Variants in UBA2 observed in about 807,000 individuals in gnomAD.
The protein encoded by UBA2 is ubiquitin like modifier activating enzyme 2.
Under a neutral mutation model 77.2 loss-of-function variants are expected in UBA2, and 11 were observed. That is an observed-to-expected ratio of 0.14 (90% confidence interval 0.09 to 0.24). UBA2 has a LOEUF of 0.24. Among genes scored for constraint, UBA2 ranks in the 10% least tolerant of loss-of-function variants. The pLI is 1.00. For missense variants in UBA2, 487 were observed against 781.7 expected (o/e 0.62, Z 4.50); for synonymous variants, 278 against 276.7 (o/e 1.00, Z -0.05).
At chr19:34,438,220 CAAAAA>C (rs35061343) in intron 5 of UBA2, among the ~76,000 whole-genome samples, 34 of 133,988 alleles carry the variant, frequency 2.5e-4, no homozygotes, top group Admixed American at 8.9e-4. Flanking sequence ...TAGTTTTGCT[CAAAAA>C]AAAAAAAAAA....
chr19:34,445,781 TTGAC>T (rs1478882920), intron 8 of UBA2, among the ~76,000 whole-genome samples: 1 of 152,168 alleles, frequency 6.6e-6, no homozygotes, highest in Non-Finnish European at 1.5e-5. Flanking sequence ...TATTAGCAGT[TTGAC>T]TGACATGTGT....
intron 10 of UBA2, among the ~76,000 whole-genome samples, chr19:34,452,617 A>G (rs2075513774): frequency 6.6e-6 from 1 of 152,240 alleles, no homozygotes; most frequent in Admixed American, 6.5e-5. Flanking sequence ...AGTTAAAATC[A>G]TATTTAATAG....
Position 34,470,490 on chromosome 19 carries a change from T to C in UBA2, c.*1269T>C, listed in dbSNP as rs989693203. Reference sequence around the variant, plus strand: ...ATAGCAAGACCCTGTCTCTAAAAAATAAGTAAATAAAATAAAGCTTTTAAT... The same window carrying C: ...ATAGCAAGACCCTGTCTCTAAAAAACAAGTAAATAAAATAAAGCTTTTAAT... On this transcript the variant is annotated 3_prime_UTR_variant, in exon 17 of 17. Transcript: ENST00000246548. 2.0e-5 allele frequency: 3 copies of C among 152,070 alleles called. No individual in the cohort carries two copies. The highest frequency in any genetic ancestry group is 6.6e-5 in the Admixed American group (1 of 15,258). The allele number at this position is 152,070 out of a possible 1,614,324, so 9.4% of individuals were successfully genotyped here.
chr19:34,428,446 G>A lies in UBA2; in HGVS notation c.14G>A (p.Arg5Gln). 2.4e-6 allele frequency: 3 copies of A among 1,276,020 alleles called. No individual in the cohort carries two copies. The highest frequency in any genetic ancestry group is 3.0e-6 in the Non-Finnish European group (3 of 1,007,968). The allele number at this position is 1,276,020 out of a possible 1,614,324, so 79.0% of individuals were successfully genotyped here. The change falls in exon 1 of 17, where the codon CGG becomes CAG. Residue 5 changes from arginine to glutamine, a missense_variant. Arg to Gln is a conservative substitution (Grantham distance 43). Coordinates refer to ENST00000246548, the MANE Select transcript of UBA2 (RefSeq NM_005499.3). MALSRGLPRELAEAV... is the reference protein window; with the variant it reads MALSQGLPRELAEAV... ...GGTTGTCCCGCCATGGCACTGTCGC[G>A]GGGGCTGCCCCGGGAGCTGGCTGAG...
chr19:34,432,069 G>T, intron 3 of UBA2, 138 bp downstream of exon 3: 1 of 584,870 alleles, frequency 1.7e-6, no homozygotes, highest in Non-Finnish European at 2.9e-6. Context: ...CTTACAGAGT[G>T]GCATTCTTTT....
intron 10 of UBA2, among the ~76,000 whole-genome samples, 169 bp from the exon 11 acceptor site, chr19:34,454,091 A>G (rs895678282): frequency 6.6e-6 from 1 of 151,452 alleles, no homozygotes; most frequent in Non-Finnish European, 1.5e-5. Flanking sequence ...TACTTAACCC[A>G]CCTCCATGCT....
chr19:34,428,465 G>A lies in UBA2; in HGVS notation c.33G>A (p.Leu11=), dbSNP rs1232218372. 7.8e-7 allele frequency: 1 copy of A among 1,288,306 alleles called. No homozygotes were observed. Among genetic ancestry groups the A allele is most frequent in the Non-Finnish European group, 9.9e-7 (1 of 1,013,028 alleles). 79.8% of individuals were successfully genotyped at this position (1,288,306 alleles called of 1,614,324 possible). A position where few individuals can be genotyped will look rare whatever the true frequency, so the allele number is the denominator to read the frequency against. The stretch of plus-strand genomic sequence containing the variant: ...TGTCGCGGGGGCTGCCCCGGGAGCT[G>A]GCTGAGGCGGTGGCCGGGGGCCGGG... MALSRGLPRE[L]AEAVAGGRVL... Residue 11 remains leucine, a synonymous_variant, in exon 1 of 17, where the codon CTG becomes CTA. Transcript: ENST00000246548.
intron 8 of UBA2, 53 bp downstream of exon 8, chr19:34,445,174 G>T: frequency 6.5e-7 from 1 of 1,546,686 alleles, no homozygotes. Flanking sequence ...GTGCATAGAT[G>T]TATTGTTCTA....
chr19:34,444,770 G>A (rs1365146611), intron 7 of UBA2, among the ~76,000 whole-genome samples: 1 of 152,214 alleles, frequency 6.6e-6, no homozygotes, highest in African/African-American at 2.4e-5. Flanking sequence ...TCTTAACACT[G>A]CACTCCAGCC....
chr19:34,455,982 GTCCGGGT>G (rs2075554523), intron 12 of UBA2, among the ~76,000 whole-genome samples: 1 of 150,522 alleles, frequency 6.6e-6, no homozygotes, highest in African/African-American at 2.4e-5. Context: ...TTGCTATGTT[GTCCGGGT>G]TGGTCCTGAA....
rs768818315 is a variant in UBA2, at chr19:34,466,861, G to A, written c.1605-17G>A. ...TTCTAAATAGTCATAGCAGTGACCT[G>A]TGTGATTCTCCTACAGTGAAGACCT... On this transcript the variant is annotated splice_polypyrimidine_tract_variant and intron_variant, in intron 15 of 16. Transcript: ENST00000246548. 6.8e-6 allele frequency: 11 copies of A among 1,611,734 alleles called. No homozygotes were observed. The highest frequency in any genetic ancestry group is 2.2e-5 in the South Asian group (2 of 90,966).
intron 6 of UBA2, among the ~76,000 whole-genome samples, chr19:34,441,514 T>C (rs2075369300): frequency 6.6e-6 from 1 of 152,110 alleles, no homozygotes; most frequent in Admixed American, 6.6e-5. Flanking sequence ...CTTACTAAAA[T>C]GAGAATGTTC....
At chr19:34,450,742 CTTTTTTTTTTTTT>C (rs59580124) in intron 9 of UBA2, among the ~76,000 whole-genome samples, 2 of 83,402 alleles carry the variant, frequency 2.4e-5, no homozygotes, top group Admixed American at 1.6e-4. Context: ...TTATGTATAT[CTTTTTTTTTTTTT>C]TTTTTTTTTT....
intron 12 of UBA2, among the ~76,000 whole-genome samples, chr19:34,455,363 A>C (rs574178136): frequency 4.1e-4 from 63 of 152,208 alleles, no homozygotes; most frequent in African/African-American, 1.5e-3. Context: ...CTCCTGTTTT[A>C]AGAGTTCCTA....
chr19:34,440,435 A>G (rs1392276630), intron 6 of UBA2, among the ~76,000 whole-genome samples: 1 of 152,228 alleles, frequency 6.6e-6, no homozygotes, highest in Admixed American at 6.5e-5. Context: ...GATTCATTTC[A>G]CAAAACTTGC....
intron 15 of UBA2, among the ~76,000 whole-genome samples, chr19:34,464,881 G>T (rs969214560): frequency 6.6e-6 from 1 of 151,966 alleles, no homozygotes; most frequent in Non-Finnish European, 1.5e-5. Flanking sequence ...AGGTCGAGGC[G>T]GGTGGATCAC....
intron 8 of UBA2, 131 bp from the exon 9 acceptor site, chr19:34,450,133 GT>G: frequency 1.7e-6 from 1 of 596,126 alleles, no homozygotes; most frequent in Non-Finnish European, 2.9e-6. Flanking sequence ...TTTGAAAATT[GT>G]TATGCTGCTG....
At chr19:34,443,789 A>G (rs2075396029) in intron 6 of UBA2, 55 bp from the exon 7 acceptor site, 1 of 1,130,572 alleles carries the variant, frequency 8.8e-7, no homozygotes, top group Non-Finnish European at 1.3e-6. Flanking sequence ...TCTAAATTAC[A>G]TGTTTGTTTA....
intron 12 of UBA2, 144 bp from the exon 13 acceptor site, chr19:34,458,625 A>T: frequency 2.1e-6 from 1 of 473,468 alleles, no homozygotes. Context: ...TAAAAAGGTC[A>T]TGATTTTCCT....
Sources: allele counts gnomAD v4.1 joint callset (sites outside exome capture counted in the v4.1 genomes callset), GRCh38; gene constraint gnomAD v4.1.1; transcripts MANE v1.5; gene names NCBI Gene and HGNC (gene_info 2026-07-23, HGNC 2026-07-21).